Variants in MAP3K20 observed in about 807,000 individuals in gnomAD.
MAP3K20 encodes the protein mitogen-activated protein kinase kinase kinase 20.
Under a neutral mutation model 85.7 loss-of-function variants are expected in MAP3K20, and 40 were observed. The observed-to-expected ratio is 0.47, with a 90% confidence interval of 0.36 to 0.61. MAP3K20 has a LOEUF of 0.61. MAP3K20 is among the 20% of genes least tolerant of loss of function. The pLI is 0.00. For synonymous variants in MAP3K20, 325 were observed against 327.7 expected, an observed-to-expected ratio of 0.99 and a Z score of 0.09; for missense variants, 817 against 961.7, an observed-to-expected ratio of 0.85 and a Z score of 1.99.
At chr2:173,206,930 CTTTTT>C (rs35387016) in intron 9 of MAP3K20, among the ~76,000 whole-genome samples, 1 of 144,124 alleles carries the variant, frequency 6.9e-6, no homozygotes, top group African/African-American at 2.6e-5. Flanking sequence ...AAAGTACTTT[CTTTTT>C]TTTTTTTTTT....
intron 2 of MAP3K20, among the ~76,000 whole-genome samples, chr2:173,162,093 C>T (rs1322543397): frequency 6.7e-6 from 1 of 149,096 alleles, no homozygotes; most frequent in Non-Finnish European, 1.5e-5. Context: ...AATTACGATC[C>T]CTATTCTTTC....
chr2:173,117,607 G>T (rs1321499659), intron 2 of MAP3K20, among the ~76,000 whole-genome samples: 1 of 151,734 alleles, frequency 6.6e-6, no homozygotes, highest in African/African-American at 2.4e-5. Context: ...AAATTATATT[G>T]AATTTTATTT....
At chr2:173,217,019 A>G (rs1287741825) in intron 10 of MAP3K20, 96 bp from the exon 11 acceptor site, 12 of 1,212,958 alleles carry the variant, frequency 9.9e-6, no homozygotes, top group Admixed American at 3.2e-5. Flanking sequence ...AAGCACCAGC[A>G]TGTGTCTTTT....
rs1690008987 is a variant in MAP3K20 at position 173,171,865 on chromosome 2, A to G, written c.247+1973A>G. ...CACAAGTTTCAGATTATGAGGCAGT[A>G]GTAGATTGTATATTTATAGCTCTCT... On this transcript the variant is annotated intron_variant, in intron 3 of 19. Transcript: ENST00000375213. Among the ~76,000 whole-genome samples, 5 of 152,184 alleles carry G rather than the reference A, an allele frequency of 3.3e-5. 1 individual carries two copies. The South Asian group carries it at 1.0e-3, about 31-fold the overall frequency.
At chr2:173,103,143 T>G (rs1281154658) in intron 2 of MAP3K20, among the ~76,000 whole-genome samples, 1 of 152,234 alleles carries the variant, frequency 6.6e-6, no homozygotes, top group African/African-American at 2.4e-5. Context: ...ATACAAAGTT[T>G]AGTGAGCATC....
intron 4 of MAP3K20, among the ~76,000 whole-genome samples, chr2:173,183,625 C>T (rs1287106653): frequency 6.6e-6 from 1 of 151,558 alleles, no homozygotes; most frequent in African/African-American, 2.4e-5. Flanking sequence ...CCTAACTGAA[C>T]ATTTCTGGGC....
intron 11 of MAP3K20, among the ~76,000 whole-genome samples, chr2:173,227,566 A>G (rs1381517102): frequency 6.6e-6 from 1 of 152,210 alleles, no homozygotes; most frequent in Admixed American, 6.5e-5. Context: ...GTCCAGCTGA[A>G]GCCAGTGCCT....
chr2:173,253,889 G>A (rs1685096591), intron 16 of MAP3K20, among the ~76,000 whole-genome samples: 1 of 151,762 alleles, frequency 6.6e-6, no homozygotes, highest in Non-Finnish European at 1.5e-5. Context: ...ACAACATAGT[G>A]AGACTTCATC....
intron 2 of MAP3K20, among the ~76,000 whole-genome samples, chr2:173,125,207 A>T (rs1169283511): frequency 6.6e-6 from 1 of 152,206 alleles, no homozygotes; most frequent in Admixed American, 6.5e-5. Context: ...AGGTATGTTG[A>T]ATCCACCATT....
intron 1 of MAP3K20, among the ~76,000 whole-genome samples, chr2:173,077,745 G>A (rs373236678): frequency 6.6e-6 from 1 of 152,108 alleles, no homozygotes; most frequent in Non-Finnish European, 1.5e-5. Flanking sequence ...TGATTGATCC[G>A]TTTTTCTTAA....
chr2:173,176,496 C>G (rs931060282), intron 3 of MAP3K20, among the ~76,000 whole-genome samples: 1 of 152,010 alleles, frequency 6.6e-6, no homozygotes, highest in Non-Finnish European at 1.5e-5. Context: ...CTGAGGTAGA[C>G]TGTGCTAAAT....
intron 2 of MAP3K20, among the ~76,000 whole-genome samples, chr2:173,143,573 A>G (rs914890666): frequency 2.0e-5 from 3 of 152,200 alleles, no homozygotes; most frequent in Non-Finnish European, 2.9e-5. Flanking sequence ...TTTTAACTCA[A>G]CGGGGAAATA....
At chr2:173,170,146 C>A (rs139219481) in intron 3 of MAP3K20, among the ~76,000 whole-genome samples, 1 of 152,288 alleles carries the variant, frequency 6.6e-6, no homozygotes, top group East Asian at 1.9e-4. Flanking sequence ...AGCTGCAATA[C>A]CAATATTTCA....
At chr2:173,113,640 A>G (rs986317311) in intron 2 of MAP3K20, among the ~76,000 whole-genome samples, 9 of 152,026 alleles carry the variant, frequency 5.9e-5, no homozygotes, top group South Asian at 2.1e-4. Context: ...TCTTGATTTC[A>G]TTTTTGACCC....
intron 3 of MAP3K20, among the ~76,000 whole-genome samples, chr2:173,177,602 G>A (rs1452728202): frequency 6.6e-6 from 1 of 151,478 alleles, no homozygotes; most frequent in Non-Finnish European, 1.5e-5. Flanking sequence ...CTAATTTTTT[G>A]TATTTTTAGT....
intron 2 of MAP3K20, among the ~76,000 whole-genome samples, chr2:173,128,222 A>G (rs762937003): frequency 1.3e-5 from 2 of 152,214 alleles, no homozygotes; most frequent in Non-Finnish European, 2.9e-5. Context: ...ATAGTTTTCT[A>G]ATTGCAGTTT....
chr2:173,081,826 A>G (rs1290227286), intron 1 of MAP3K20, among the ~76,000 whole-genome samples: 4 of 152,154 alleles, frequency 2.6e-5, no homozygotes, highest in Admixed American at 6.5e-5. Context: ...TCTATACTTT[A>G]TAGTAGATTA....
chr2:173,078,944 CT>C (rs1018183243), intron 1 of MAP3K20, among the ~76,000 whole-genome samples: 12 of 152,302 alleles, frequency 7.9e-5, no homozygotes, highest in South Asian at 4.1e-4. Context: ...TTTCATACCC[CT>C]GATCCTCAGT....
intron 2 of MAP3K20, among the ~76,000 whole-genome samples, chr2:173,115,919 A>G (rs1688108608): frequency 6.6e-6 from 1 of 152,018 alleles, no homozygotes; most frequent in Admixed American, 6.5e-5. Flanking sequence ...AACCAGAAAC[A>G]TGGCTGGGAG....
Sources: allele counts gnomAD v4.1 joint callset (sites outside exome capture counted in the v4.1 genomes callset), GRCh38; gene constraint gnomAD v4.1.1; transcripts MANE v1.5; gene names NCBI Gene and HGNC (gene_info 2026-07-23, HGNC 2026-07-21).